The following FGF13 variants were observed in gnomAD, a reference collection of about 807,000 sequenced individuals.
FGF13 encodes fibroblast growth factor 13, also known as fibroblast growth factor homologous factor 2.
In FGF13, 2 loss-of-function variants were observed where a neutral mutation model predicts 19.5. The observed-to-expected ratio is 0.10, with a 90% CI of 0.04 to 0.32. The LOEUF is 0.32. Among genes scored for constraint, FGF13 ranks in the 10% least tolerant of loss-of-function variants. The pLI, the probability that FGF13 is intolerant of heterozygous loss-of-function variation, is 1.00. For missense variants in FGF13, 113 were observed against 192.7 expected, an observed-to-expected ratio of 0.59 and a Z score of 2.45; for synonymous variants, 72 against 76.9, an observed-to-expected ratio of 0.94 and a Z score of 0.33.
At chrX:138,718,857 T>C (rs991998428) in intron 1 of FGF13, among the ~76,000 whole-genome samples, 2 of 112,354 alleles carry the variant, frequency 1.8e-5, no homozygotes, top group Non-Finnish European at 3.8e-5. Flanking sequence ...GGGTTGGAAA[T>C]GGTGATAACA....
intron 1 of FGF13, among the ~76,000 whole-genome samples, chrX:139,148,930 T>C (rs1301554552): frequency 1.8e-5 from 2 of 111,225 alleles, no homozygotes; most frequent in African/African-American, 6.5e-5. Context: ...TGTCAGACAA[T>C]GAGGTAGCAG....
intron 3 of FGF13, among the ~76,000 whole-genome samples, chrX:138,833,811 T>C (rs904856694): frequency 8.9e-6 from 1 of 112,020 alleles, no homozygotes; most frequent in African/African-American, 3.2e-5. Context: ...AGATGGTTTT[T>C]ATTATTTTGT....
chrX:138,857,516 C>T (rs1189564654), exon 3 of FGF13: 4 of 1,190,962 alleles, frequency 3.4e-6, no homozygotes, highest in Non-Finnish European at 3.4e-6. Context: ...ACAAACCTTC[C>T]GGCTCTGTGT....
At chrX:138,948,515 G>A (rs1037795921) in intron 1 of FGF13, among the ~76,000 whole-genome samples, 8 of 111,763 alleles carry the variant, frequency 7.2e-5, no homozygotes, top group African/African-American at 2.3e-4. Flanking sequence ...GTGAACTTTT[G>A]GCTTTATCAA....
chrX:138,951,217 T>A (rs953748350), intron 1 of FGF13, among the ~76,000 whole-genome samples: 1 of 111,548 alleles, frequency 9.0e-6, no homozygotes, highest in Non-Finnish European at 1.9e-5. Context: ...CCGCCTCCCA[T>A]CAGCTTACTC....
intron 1 of FGF13, among the ~76,000 whole-genome samples, chrX:139,084,542 C>T (rs774514417): frequency 9.0e-5 from 10 of 111,612 alleles, no homozygotes; most frequent in Non-Finnish European, 1.5e-4. Context: ...AGTGGAGCCG[C>T]GAAGCATCAA....
Position 139,125,089 on chromosome X carries a change from A to C in FGF13, c.-113+78327T>G, listed in dbSNP as rs955290016. On this transcript the variant is annotated intron_variant, in intron 1 of 2. Transcript: ENST00000421460. ...AATCTTTTAATTTTTTTTCAAAATT[A>C]TGAGTCCCAAATGTTCACGACATGG... Among the ~76,000 whole-genome samples the C allele has an allele frequency of 4.5e-5, 5 of 112,152 alleles. No homozygotes were observed. The South Asian group carries it at 1.9e-3, about 42-fold the overall frequency.
intron 3 of FGF13, among the ~76,000 whole-genome samples, chrX:138,671,040 C>CGA (rs2089605807): frequency 1.2e-5 from 1 of 82,799 alleles, no homozygotes; most frequent in Non-Finnish European, 2.2e-5. Flanking sequence ...ATCGCCACCA[C>CGA]CACCACCGCC....
intron 3 of FGF13, among the ~76,000 whole-genome samples, chrX:138,642,184 G>T (rs1364008701): frequency 1.0e-5 from 1 of 100,406 alleles, no homozygotes; most frequent in East Asian, 3.3e-4. Context: ...AAAGGGGAAG[G>T]AGGGGAGGTA....
intron 1 of FGF13, among the ~76,000 whole-genome samples, chrX:139,114,199 T>C (rs1205689441): frequency 8.9e-6 from 1 of 111,979 alleles, no homozygotes; most frequent in East Asian, 2.8e-4. Context: ...TATTTTGCCT[T>C]AAAGTAAGCA....
Position 139,094,416 on chromosome X carries a change from C to T in FGF13, c.-113+109000G>A, listed in dbSNP as rs778959936. On this transcript the variant is annotated intron_variant, in intron 1 of 2. Coordinates refer to the FGF13 transcript ENST00000421460. ...GAACTAGAGCTAATGGAGCTACTGG[C>T]TGTGGAAAAGCTGAGGTTCAGCACA... Among the ~76,000 whole-genome samples the T allele has an allele frequency of 2.7e-5, 3 of 112,023 alleles. No individual in the cohort carries two copies. In the East Asian group the frequency reaches 8.5e-4, roughly 32 times the overall value.
At position 138,994,984 on chromosome X, in the gene FGF13, CAA is replaced by C. The variant is rs5903991; in HGVS notation, c.-112-130336_-112-130335del. 9.8e-3 allele frequency among the ~76,000 whole-genome samples: 842 copies of C among 85,818 alleles called. 10 individuals are homozygous for C. The highest frequency in any genetic ancestry group is 0.032 in the African/African-American group (747 of 23,080). The allele number at this position is 85,818 out of a possible 115,157, so 74.5% of individuals were successfully genotyped here. A position where few individuals can be genotyped will look rare whatever the true frequency, so the allele number is the denominator to read the frequency against. On this transcript the variant is annotated intron_variant, in intron 1 of 2. Transcript: ENST00000421460. ...GACACCAATTCAACAACTATGTAAC[CAA>C]AAAAAAAAAAAAAAAAGCATCTTCA...
intron 1 of FGF13, among the ~76,000 whole-genome samples, chrX:138,901,534 G>T (rs892824224): frequency 5.4e-5 from 6 of 111,577 alleles, no homozygotes; most frequent in African/African-American, 2.0e-4. Flanking sequence ...CTATTGATAT[G>T]GTCGTCCCCA....
chrX:138,702,194 TA>T (rs2089953144), intron 3 of FGF13, among the ~76,000 whole-genome samples: 1 of 110,280 alleles, frequency 9.1e-6, no homozygotes, highest in Non-Finnish European at 1.9e-5. Context: ...AATAAATAAA[TA>T]AATTAATTAA....
intron 1 of FGF13, among the ~76,000 whole-genome samples, chrX:138,974,200 C>A (rs1376211185): frequency 1.8e-5 from 2 of 111,505 alleles, no homozygotes; most frequent in African/African-American, 3.3e-5. Flanking sequence ...CAAAATAAGA[C>A]AAGGGGTCAG....
rs760204668 is a variant in FGF13, at chrX:139,186,849, T to TTGTCATTTTTCTGGGA, written c.-113+16566_-113+16567insTCCCAGAAAAATGACA. Among the ~76,000 whole-genome samples, 153 of 112,146 alleles carry TTGTCATTTTTCTGGGA rather than the reference T, an allele frequency of 1.4e-3. 1 individual carries two copies. Among genetic ancestry groups the TTGTCATTTTTCTGGGA allele is most frequent in the African/African-American group, 4.6e-3 (143 of 30,826 alleles). ...TCCTCTTTGCCAGGCCAGGTCCTAATTCACTTTTCTGATCCCAGCCGATCT... is the reference window on the plus strand; with the variant it reads ...TCCTCTTTGCCAGGCCAGGTCCTAATTGTCATTTTTCTGGGATCACTTTTCTGATCCCAGCCGATCT... On this transcript the variant is annotated intron_variant, in intron 1 of 2. Coordinates refer to the FGF13 transcript ENST00000421460.
intron 1 of FGF13, among the ~76,000 whole-genome samples, chrX:138,730,358 G>A (rs1341028944): frequency 2.7e-5 from 3 of 111,049 alleles, no homozygotes; most frequent in Non-Finnish European, 5.7e-5. Context: ...ATAATAATGT[G>A]TGCATGTATA....
At chrX:138,986,343 G>A (rs761898393) in intron 1 of FGF13, among the ~76,000 whole-genome samples, 5 of 111,425 alleles carry the variant, frequency 4.5e-5, no homozygotes, top group Non-Finnish European at 9.4e-5. Context: ...CTTTCATTTT[G>A]CTCATGAGAA....
Position 138,949,554 on chromosome X carries a change from A to C in FGF13, c.-112-84904T>G, listed in dbSNP as rs145114101. On this transcript the variant is annotated intron_variant, in intron 1 of 2. Transcript: ENST00000421460. The stretch of plus-strand genomic sequence containing the variant: ...AATACAGTATGTTCTCATGTTAACT[A>C]ATTACATCTGCAAAGACCCTATTTC... 2.0e-4 allele frequency among the ~76,000 whole-genome samples: 22 copies of C among 111,790 alleles called. No homozygotes were observed. In the East Asian group the frequency reaches 2.3e-3, roughly 11 times the overall value.
Sources: gnomAD v4.1 joint callset for allele counts (sites outside exome capture counted in the v4.1 genomes callset) on GRCh38, gnomAD v4.1.1 for gene constraint, MANE v1.5 for transcripts, NCBI Gene and HGNC (gene_info 2026-07-23, HGNC 2026-07-21) for gene names.